Variants in RASSF4 observed in about 807,000 individuals in gnomAD.
The protein encoded by RASSF4 is ras association domain-containing protein 4.
Under a neutral mutation model 41.1 loss-of-function variants are expected in RASSF4, and 38 were observed. The ratio of observed to expected loss-of-function variants is 0.92; its 90% CI spans 0.71 to 1.21. The LOEUF (loss-of-function observed/expected upper bound fraction) is 1.21, where lower values mean the gene tolerates loss of function less well. Ranked by LOEUF, RASSF4 falls within the 50% of genes most tolerant of loss-of-function variation. RASSF4 has a pLI of 0.00. For missense variants in RASSF4, 414 were observed against 419.4 expected (o/e 0.99, Z 0.11); for synonymous variants, 179 against 163.4 (o/e 1.10, Z -0.73).
At chr10:44,980,431 C>G (rs1319677308) in intron 3 of RASSF4, among the ~76,000 whole-genome samples, 1 of 152,166 alleles carries the variant, frequency 6.6e-6, no homozygotes, top group African/African-American at 2.4e-5. Context: ...CATTCAGATG[C>G]GGCCAAGCTG....
chr10:44,968,949 G>A (rs1451327060), intron 1 of RASSF4, among the ~76,000 whole-genome samples: 1 of 152,110 alleles, frequency 6.6e-6, no homozygotes, highest in Non-Finnish European at 1.5e-5. Context: ...GGTCAGCACT[G>A]GAGTATGTGT....
chr10:44,980,824 A>C (rs1383804138), intron 3 of RASSF4: 2 of 152,216 alleles, frequency 1.3e-5, no homozygotes, highest in African/African-American at 4.8e-5. Context: ...CCCGAGACCA[A>C]GAGGCAAGAA....
intron 6 of RASSF4, among the ~76,000 whole-genome samples, chr10:44,988,332 G>A (rs547688075): frequency 1.3e-5 from 2 of 152,252 alleles, no homozygotes; most frequent in Admixed American, 6.5e-5. Flanking sequence ...AAATCTTAGC[G>A]GGTTCAATAC....
intron 3 of RASSF4, 42 bp downstream of exon 3, chr10:44,971,890 G>T (rs374143687): frequency 1.4e-6 from 2 of 1,428,102 alleles, no homozygotes; most frequent in African/African-American, 1.4e-5. Context: ...CATGTACCCT[G>T]GGAGGCCCTG....
chr10:44,964,281 C>T (rs901046989), intron 1 of RASSF4, among the ~76,000 whole-genome samples: 1 of 152,260 alleles, frequency 6.6e-6, no homozygotes, highest in African/African-American at 2.4e-5. Context: ...GGGGTACAGA[C>T]AGCCCTGGCT....
intron 3 of RASSF4, among the ~76,000 whole-genome samples, chr10:44,973,491 A>G (rs1481351763): frequency 6.6e-6 from 1 of 152,104 alleles, no homozygotes. Flanking sequence ...ATTGATCTAA[A>G]TCCCAGGTGG....
chr10:44,986,374 C>T (rs1230490652), intron 6 of RASSF4, among the ~76,000 whole-genome samples: 2 of 152,204 alleles, frequency 1.3e-5, no homozygotes, highest in Non-Finnish European at 2.9e-5. Context: ...GAGCACTCTG[C>T]AGCCTTTGAA....
chr10:44,988,990 A>G (rs182919897), intron 6 of RASSF4, among the ~76,000 whole-genome samples: 1 of 152,208 alleles, frequency 6.6e-6, no homozygotes, highest in East Asian at 1.9e-4. Context: ...TGATTCCCCC[A>G]CCCTTGTGAA....
intron 3 of RASSF4, among the ~76,000 whole-genome samples, chr10:44,980,225 G>C (rs1276559044): frequency 6.6e-6 from 1 of 152,254 alleles, no homozygotes; most frequent in African/African-American, 2.4e-5. Context: ...TCGGGGCAGG[G>C]AGTGCCTGAG....
chr10:44,982,153 G>A (rs1841733442), intron 3 of RASSF4: 1 of 301,130 alleles, frequency 3.3e-6, no homozygotes, highest in Non-Finnish European at 6.3e-6. Context: ...CCCAGGTGCA[G>A]TGTGGGCAGA....
chr10:44,987,965 T>A (rs1238478849), intron 6 of RASSF4, among the ~76,000 whole-genome samples: 1 of 152,198 alleles, frequency 6.6e-6, no homozygotes, highest in Admixed American at 6.5e-5. Flanking sequence ...CCTGGACTTA[T>A]CAGAGCGGGG....
chr10:44,967,628 G>A (rs1414546413), intron 1 of RASSF4, among the ~76,000 whole-genome samples: 1 of 152,230 alleles, frequency 6.6e-6, no homozygotes, highest in Non-Finnish European at 1.5e-5. Context: ...TGCTGTATGT[G>A]CACAGCTTTG....
chr10:44,980,425 C>T (rs1326551970), intron 3 of RASSF4, among the ~76,000 whole-genome samples: 1 of 152,202 alleles, frequency 6.6e-6, no homozygotes, highest in Admixed American at 6.5e-5. Context: ...TCCCTCCATT[C>T]AGATGCGGCC....
intron 1 of RASSF4, among the ~76,000 whole-genome samples, chr10:44,965,972 G>A (rs1840888642): frequency 6.6e-6 from 1 of 152,182 alleles, no homozygotes; most frequent in African/African-American, 2.4e-5. Context: ...GCCAGTGAGG[G>A]AGAACCATGC....
intron 3 of RASSF4, chr10:44,977,745 G>C (rs377066951): frequency 6.2e-7 from 1 of 1,602,816 alleles, no homozygotes; most frequent in Non-Finnish European, 8.5e-7. Context: ...GCCATGGGCA[G>C]TGTGGGCTGC....
chr10:44,992,297 G>A (rs1436125984), intron 10 of RASSF4, among the ~76,000 whole-genome samples: 1 of 152,260 alleles, frequency 6.6e-6, no homozygotes, highest in Non-Finnish European at 1.5e-5. Flanking sequence ...GGAAAGTCAG[G>A]CAGGAACCCA....
chr10:44,962,369 C>T (rs1485543224), intron 1 of RASSF4, among the ~76,000 whole-genome samples: 2 of 152,212 alleles, frequency 1.3e-5, no homozygotes, highest in African/African-American at 2.4e-5. Context: ...TGTGTTTGCA[C>T]GTGGATGCAG....
At chr10:44,992,223 C>T (rs767797332) in intron 10 of RASSF4, among the ~76,000 whole-genome samples, 8 of 152,234 alleles carry the variant, frequency 5.3e-5, no homozygotes, top group Non-Finnish European at 1.2e-4. Context: ...GGGACACAGC[C>T]CCGATCACCC....
chr10:44,981,471 A>G (rs1007861743), intron 3 of RASSF4: 3 of 152,356 alleles, frequency 2.0e-5, no homozygotes, highest in Middle Eastern at 3.4e-3. Context: ...GGTAGTTCTT[A>G]TGTTAAATGT....
Sources: gnomAD v4.1 joint callset for allele counts (sites outside exome capture counted in the v4.1 genomes callset) on GRCh38, gnomAD v4.1.1 for gene constraint, MANE v1.5 for transcripts, NCBI Gene and HGNC (gene_info 2026-07-23, HGNC 2026-07-21) for gene names.